The following ZNF138 variants were observed in gnomAD, a reference collection of about 807,000 sequenced individuals.
ZNF138 encodes zinc finger protein 138 (clone pHZ-32).
Under a neutral mutation model 33.0 loss-of-function variants are expected in ZNF138, and 33 were observed. The ratio of observed to expected loss-of-function variants is 1.00; its 90% CI spans 0.76 to 1.34. The LOEUF (loss-of-function observed/expected upper bound fraction) is 1.34. Among genes scored for constraint, ZNF138 ranks in the 40% most tolerant of loss-of-function variants. The pLI is 0.00. For synonymous variants in ZNF138, 139 were observed against 120.4 expected, an observed-to-expected ratio of 1.15 and a Z score of -1.01; for missense variants, 360 against 370.8, an observed-to-expected ratio of 0.97 and a Z score of 0.24.
At chr7:64,801,172 T>A (rs1787110643) in intron 1 of ZNF138, among the ~76,000 whole-genome samples, 1 of 152,188 alleles carries the variant, frequency 6.6e-6, no homozygotes, top group Admixed American at 6.5e-5. Flanking sequence ...TCTCCTTCAG[T>A]ACAGCTCTTG....
chr7:64,845,000 T>C, the ZNF138 span, among the ~76,000 whole-genome samples: 1 of 152,200 alleles, frequency 6.6e-6, no homozygotes. Context: ...AATTTGTTAG[T>C]GGTGATTTGT....
intron 1 of ZNF138, among the ~76,000 whole-genome samples, chr7:64,809,486 G>A (rs1165834156): frequency 4.6e-4 from 1 of 2,158 alleles, no homozygotes; most frequent in African/African-American, 5.3e-4. Context: ...CTGGCCGGGC[G>A]GGGGGCTGAC....
At chr7:64,855,290 A>C in the ZNF138 span, among the ~76,000 whole-genome samples, 1 of 152,230 alleles carries the variant, frequency 6.6e-6, no homozygotes, top group Admixed American at 6.5e-5. Flanking sequence ...TGCCTCCCAA[A>C]GGCTATTAGT....
chr7:64,840,898 A>G, the ZNF138 span, among the ~76,000 whole-genome samples: 149,986 of 152,210 alleles, frequency 0.99, 73,938 homozygotes, highest in Non-Finnish European at 1. Context: ...ACCTATTTTC[A>G]GAAGAATAGA....
intron 1 of ZNF138, among the ~76,000 whole-genome samples, chr7:64,800,090 A>G (rs1309851032): frequency 1.3e-5 from 2 of 152,198 alleles, no homozygotes; most frequent in Non-Finnish European, 2.9e-5. Flanking sequence ...GACAGAAAAG[A>G]GAAGAACTTT....
the ZNF138 span, among the ~76,000 whole-genome samples, chr7:64,848,651 T>C: frequency 6.6e-6 from 1 of 151,394 alleles, no homozygotes; most frequent in Middle Eastern, 3.4e-3. Context: ...TTCAGGTAAA[T>C]CAGGGATTTC....
the ZNF138 span, among the ~76,000 whole-genome samples, chr7:64,838,920 G>C: frequency 1.3e-5 from 2 of 152,276 alleles, no homozygotes; most frequent in South Asian, 4.1e-4. Flanking sequence ...CAGGTAGTAA[G>C]ATGGCAGTGG....
intron 1 of ZNF138, among the ~76,000 whole-genome samples, chr7:64,810,495 C>T (rs1318591901): frequency 6.6e-6 from 1 of 151,166 alleles, no homozygotes; most frequent in Admixed American, 6.6e-5. Flanking sequence ...GTTTCTTATG[C>T]CTTGCTAAGA....
chr7:64,820,558 G>GT (rs1278524326), intron 3 of ZNF138, among the ~76,000 whole-genome samples: 1 of 151,546 alleles, frequency 6.6e-6, no homozygotes, highest in East Asian at 1.9e-4. Context: ...TGGGATTGCT[G>GT]TAGTTGATGA....
chr7:64,813,177 G>T (rs1162517539), intron 1 of ZNF138, among the ~76,000 whole-genome samples: 1 of 152,226 alleles, frequency 6.6e-6, no homozygotes, highest in East Asian at 1.9e-4. Context: ...CAAGGTTTCT[G>T]TTGGGGGAAA....
intron 2 of ZNF138, 151 bp from the exon 3 acceptor site, chr7:64,815,425 C>A: frequency 1.9e-6 from 1 of 521,966 alleles, no homozygotes; most frequent in Non-Finnish European, 3.1e-6. Context: ...TTAGAATTTT[C>A]TGTTATATAT....
At chr7:64,800,004 C>T (rs1787016440) in intron 1 of ZNF138, among the ~76,000 whole-genome samples, 1 of 152,126 alleles carries the variant, frequency 6.6e-6, no homozygotes, top group South Asian at 2.1e-4. Flanking sequence ...TACAGGGATC[C>T]TACTAATTTT....
At chr7:64,854,364 C>T in the ZNF138 span, among the ~76,000 whole-genome samples, 518 of 152,280 alleles carry the variant, frequency 3.4e-3, no homozygotes, top group African/African-American at 0.012. Flanking sequence ...CCTCAGCCTG[C>T]GAAGCAGCTG....
intron 1 of ZNF138, among the ~76,000 whole-genome samples, chr7:64,798,635 C>T (rs935206818): frequency 4.6e-5 from 7 of 152,006 alleles, no homozygotes; most frequent in South Asian, 4.1e-4. Flanking sequence ...AAAAAATAGT[C>T]GGACATGGTG....
At chr7:64,814,316 T>C (rs1289335713) in intron 1 of ZNF138, among the ~76,000 whole-genome samples, 1 of 152,232 alleles carries the variant, frequency 6.6e-6, no homozygotes, top group Non-Finnish European at 1.5e-5. Context: ...TTCTGTATGA[T>C]GCACATATAG....
the ZNF138 span, among the ~76,000 whole-genome samples, chr7:64,844,235 T>G: frequency 1.1e-3 from 172 of 152,292 alleles, no homozygotes; most frequent in Admixed American, 1.8e-3. Flanking sequence ...GTGCCCAACC[T>G]GTTGTTATTA....
At chr7:64,845,680 T>C in the ZNF138 span, among the ~76,000 whole-genome samples, 4 of 152,264 alleles carry the variant, frequency 2.6e-5, no homozygotes, top group South Asian at 2.1e-4. Context: ...TTATTAGTGA[T>C]GTTGAGCATT....
the ZNF138 span, among the ~76,000 whole-genome samples, chr7:64,842,968 T>G: frequency 6.6e-6 from 1 of 152,192 alleles, no homozygotes; most frequent in Admixed American, 6.5e-5. Context: ...ATCAACATCT[T>G]TTCAAACCCT....
At chr7:64,849,073 G>A in the ZNF138 span, among the ~76,000 whole-genome samples, 2 of 152,134 alleles carry the variant, frequency 1.3e-5, no homozygotes, top group African/African-American at 2.4e-5. Flanking sequence ...TCTCATTTGG[G>A]TAGGCTATGT....
Sources: allele counts gnomAD v4.1 joint callset (sites outside exome capture counted in the v4.1 genomes callset), GRCh38; gene constraint gnomAD v4.1.1; transcripts MANE v1.5; gene names NCBI Gene and HGNC (gene_info 2026-07-23, HGNC 2026-07-21).